Variants in LHFPL3 observed in about 807,000 individuals in gnomAD.
LHFPL3 encodes the protein LHFPL tetraspan subfamily member 3.
In LHFPL3, 5 loss-of-function variants were observed where a neutral mutation model predicts 19.3. The observed-to-expected ratio is 0.26, with a 90% confidence interval of 0.14 to 0.54. The LOEUF is 0.54. LHFPL3 is among the 20% of genes least tolerant of loss of function. The probability of loss-of-function intolerance (pLI) is 0.94; values close to 1 mark genes in which losing one functional copy is unlikely to be tolerated. For synonymous variants in LHFPL3, 133 were observed against 126.2 expected (o/e 1.05, Z -0.36); for missense variants, 249 against 307.4 (o/e 0.81, Z 1.42).
intron 1 of LHFPL3, among the ~76,000 whole-genome samples, chr7:104,563,679 G>T (rs1171540999): frequency 1.3e-5 from 2 of 152,242 alleles, no homozygotes; most frequent in Non-Finnish European, 1.5e-5. Context: ...GACCGGAGCT[G>T]TTCCTGTTCG....
intron 2 of LHFPL3, among the ~76,000 whole-genome samples, chr7:104,752,144 C>T (rs1197249082): frequency 7.2e-5 from 11 of 152,178 alleles, no homozygotes; most frequent in African/African-American, 1.9e-4. Flanking sequence ...ACTTGTGCCT[C>T]GTGGTTTAGA....
intron 1 of LHFPL3, among the ~76,000 whole-genome samples, chr7:104,676,241 A>G (rs1300529702): frequency 9.9e-5 from 15 of 152,242 alleles, no homozygotes; most frequent in Admixed American, 9.2e-4. Flanking sequence ...TATTAAATCT[A>G]AAGGCAAAAC....
intron 1 of LHFPL3, among the ~76,000 whole-genome samples, chr7:104,597,725 G>A (rs1046449432): frequency 3.9e-4 from 60 of 152,172 alleles, no homozygotes; most frequent in African/African-American, 1.4e-3. Flanking sequence ...TTTGCATAGT[G>A]ACATTGCTGG....
chr7:104,674,509 G>C (rs1215674108), intron 1 of LHFPL3, among the ~76,000 whole-genome samples: 2 of 151,658 alleles, frequency 1.3e-5, no homozygotes, highest in African/African-American at 4.8e-5. Context: ...GCTGGGATTA[G>C]AGGTGCCTGC....
At chr7:104,826,043 G>C (rs1257838306) in intron 2 of LHFPL3, among the ~76,000 whole-genome samples, 1 of 151,934 alleles carries the variant, frequency 6.6e-6, no homozygotes, top group African/African-American at 2.4e-5. Context: ...TTAATTAGCA[G>C]TCTCTCCCAT....
chr7:104,468,060 T>A (rs1792827582), intron 1 of LHFPL3, among the ~76,000 whole-genome samples: 1 of 152,222 alleles, frequency 6.6e-6, no homozygotes, highest in Non-Finnish European at 1.5e-5. Flanking sequence ...AAGAATTGGA[T>A]GCTTATAAAA....
chr7:104,504,280 A>AT (rs970987714), intron 1 of LHFPL3, among the ~76,000 whole-genome samples: 18 of 152,144 alleles, frequency 1.2e-4, no homozygotes, highest in Non-Finnish European at 2.1e-4. Context: ...AGCATGATAT[A>AT]TTTTTTATCT....
chr7:104,479,305 C>T (rs774956892), intron 1 of LHFPL3, among the ~76,000 whole-genome samples: 3 of 152,168 alleles, frequency 2.0e-5, no homozygotes, highest in South Asian at 2.1e-4. Context: ...TTCTGAGGGA[C>T]GCCATGGGAG....
chr7:104,469,533 T>C (rs902129143), intron 1 of LHFPL3, among the ~76,000 whole-genome samples: 1 of 152,200 alleles, frequency 6.6e-6, no homozygotes, highest in African/African-American at 2.4e-5. Flanking sequence ...AATCATAAAA[T>C]TTGGTATGAA....
chr7:104,865,015 C>T (rs1218713359), intron 2 of LHFPL3, among the ~76,000 whole-genome samples: 1 of 151,690 alleles, frequency 6.6e-6, no homozygotes. Context: ...GCTGAGGGTC[C>T]TGACTGTTAG....
chr7:104,330,449 C>CA (rs1175724867), intron 1 of LHFPL3, among the ~76,000 whole-genome samples: 1 of 152,160 alleles, frequency 6.6e-6, no homozygotes, highest in Non-Finnish European at 1.5e-5. Context: ...CAATCCCTGA[C>CA]AGAGTGTTGT....
chr7:104,755,193 G>A (rs1794258971), intron 2 of LHFPL3, among the ~76,000 whole-genome samples: 1 of 152,120 alleles, frequency 6.6e-6, no homozygotes, highest in Non-Finnish European at 1.5e-5. Context: ...TGTCTTCCAG[G>A]TGATGACACG....
chr7:104,518,364 A>G (rs1434273746), intron 1 of LHFPL3, among the ~76,000 whole-genome samples: 1 of 152,162 alleles, frequency 6.6e-6, no homozygotes, highest in African/African-American at 2.4e-5. Context: ...AAAGTTTTCC[A>G]GGGTAAAAAT....
At chr7:104,873,903 A>G (rs1331412815) in intron 2 of LHFPL3, among the ~76,000 whole-genome samples, 1 of 152,254 alleles carries the variant, frequency 6.6e-6, no homozygotes, top group East Asian at 1.9e-4. Context: ...ACGTATGATG[A>G]AGTCTGCCTG....
chr7:104,669,832 GT>G (rs772643076), intron 1 of LHFPL3, among the ~76,000 whole-genome samples: 11 of 152,200 alleles, frequency 7.2e-5, no homozygotes, highest in Non-Finnish European at 1.6e-4. Flanking sequence ...GGTGCGTTAT[GT>G]CACCATGCAG....
chr7:104,565,319 A>C (rs1043182146), intron 1 of LHFPL3, among the ~76,000 whole-genome samples: 2 of 152,232 alleles, frequency 1.3e-5, no homozygotes, highest in African/African-American at 4.8e-5. Context: ...ACCTCCTAAT[A>C]AGAAAGTTCT....
At chr7:104,528,377 A>G (rs1794230085) in intron 1 of LHFPL3, among the ~76,000 whole-genome samples, 1 of 152,194 alleles carries the variant, frequency 6.6e-6, no homozygotes, top group Admixed American at 6.5e-5. Context: ...AATTGAATTT[A>G]AATTTGGTGA....
At chr7:104,821,173 A>G (rs1790670355) in intron 2 of LHFPL3, among the ~76,000 whole-genome samples, 1 of 152,230 alleles carries the variant, frequency 6.6e-6, no homozygotes, top group African/African-American at 2.4e-5. Context: ...GTGACAGGAA[A>G]TGAGTCCCAA....
At chr7:104,773,592 T>G (rs1794595608) in intron 2 of LHFPL3, among the ~76,000 whole-genome samples, 1 of 152,230 alleles carries the variant, frequency 6.6e-6, no homozygotes, top group Non-Finnish European at 1.5e-5. Context: ...TATCTCAGAA[T>G]CTGTCCCTTA....
Sources: gnomAD v4.1 joint callset for allele counts (sites outside exome capture counted in the v4.1 genomes callset) on GRCh38, gnomAD v4.1.1 for gene constraint, MANE v1.5 for transcripts, NCBI Gene and HGNC (gene_info 2026-07-23, HGNC 2026-07-21) for gene names.